The following HFM1 variants were observed in gnomAD, a reference collection of about 807,000 sequenced individuals.
HFM1 encodes the protein probable ATP-dependent DNA helicase HFM1.
Under a neutral mutation model 192.1 loss-of-function variants are expected in HFM1, and 169 were observed. The ratio of observed to expected loss-of-function variants is 0.88; its 90% CI spans 0.78 to 1.00. HFM1 has a LOEUF of 1.00. Ranked by LOEUF, HFM1 falls within the 50% of genes least tolerant of loss-of-function variation. The probability of loss-of-function intolerance (pLI) is 0.00; values close to 1 mark genes in which losing one functional copy is unlikely to be tolerated. For synonymous variants in HFM1, 525 were observed against 537.8 expected (o/e 0.98, Z 0.33); for missense variants, 1,661 against 1,668.0 (o/e 1.00, Z 0.07).
At chr1:91,310,829 T>A (rs1650339586) in intron 30 of HFM1, among the ~76,000 whole-genome samples, 1 of 152,252 alleles carries the variant, frequency 6.6e-6, no homozygotes, top group African/African-American at 2.4e-5. Context: ...CATGTGAAAC[T>A]GTTAAGTACA....
At chr1:91,377,184 G>A (rs536702035) in intron 11 of HFM1, among the ~76,000 whole-genome samples, 47 of 151,820 alleles carry the variant, frequency 3.1e-4, no homozygotes, top group African/African-American at 9.9e-4. Flanking sequence ...AAAGATAAAC[G>A]CTAGGATTTA....
At chr1:91,370,704 C>T (rs1660065327) in intron 13 of HFM1, among the ~76,000 whole-genome samples, 1 of 152,118 alleles carries the variant, frequency 6.6e-6, no homozygotes, top group Non-Finnish European at 1.5e-5. Flanking sequence ...CCTCTCTCAC[C>T]ACTCCTATTC....
intron 20 of HFM1, among the ~76,000 whole-genome samples, chr1:91,332,809 C>G (rs982951515): frequency 1.3e-5 from 2 of 152,120 alleles, no homozygotes; most frequent in African/African-American, 4.8e-5. Flanking sequence ...CAACATTTCT[C>G]AAAAGAAGAC....
intron 30 of HFM1, among the ~76,000 whole-genome samples, chr1:91,291,003 C>T (rs949718527): frequency 4.7e-4 from 72 of 152,106 alleles, no homozygotes; most frequent in Middle Eastern, 3.4e-3. Context: ...TTGAAACCAA[C>T]GAGAACGAAG....
At chr1:91,313,214 A>G in intron 30 of HFM1, 135 bp downstream of exon 30, 1 of 522,754 alleles carries the variant, frequency 1.9e-6, no homozygotes, top group Non-Finnish European at 3.3e-6. Flanking sequence ...TATACTATTA[A>G]TGAAATTACT....
rs202022545 is a variant in HFM1, at chr1:91,353,058, T to C, written c.1824A>G (p.Pro608=). ...GAAATATGTTTTACTTACAAAGAAC[T>C]GGTAAATCTCCAACAGTAAAAGCTC... The part of the protein sequence containing the change: ...VEGAFTVGDL[P]VLFTTSTLAM... The change falls in exon 15 of 39, where the codon CCA becomes CCG. Residue 608 remains proline (P), a synonymous_variant. Coordinates refer to ENST00000370425, the MANE Select transcript of HFM1 (RefSeq NM_001017975.6). 6.3e-7 allele frequency: 1 copy of C among 1,582,672 alleles called. No individual in the cohort carries two copies. Among genetic ancestry groups the C allele is most frequent in the Non-Finnish European group, 8.7e-7 (1 of 1,153,368 alleles).
chr1:91,343,241 A>AAC (rs943630133), intron 20 of HFM1, among the ~76,000 whole-genome samples, 189 bp downstream of exon 20: 3 of 150,798 alleles, frequency 2.0e-5, no homozygotes, highest in African/African-American at 7.3e-5. Flanking sequence ...AAAAAAAAAA[A>AAC]AAAAAAAAAA....
chr1:91,371,884 T>G (rs1401784424), intron 13 of HFM1, among the ~76,000 whole-genome samples: 1 of 151,934 alleles, frequency 6.6e-6, no homozygotes, highest in Non-Finnish European at 1.5e-5. Context: ...CTCAAACAAA[T>G]TTACAAGAAA....
intron 30 of HFM1, among the ~76,000 whole-genome samples, chr1:91,287,385 C>T (rs573441889): frequency 6.6e-6 from 1 of 152,214 alleles, no homozygotes; most frequent in African/African-American, 2.4e-5. Flanking sequence ...TGGGAGGCAC[C>T]CCCTAGCAGG....
rs566181608 is a variant in HFM1, at chr1:91,319,060, C to A, written c.2812+18G>T. On this transcript the variant is annotated intron_variant, in intron 25 of 38. Transcript: ENST00000370425. ...ATTGCAGACATGGCCAAACTGCCTG[C>A]CTGTATTCAGTACCTACCAATTTTT... 1 of 1,568,756 alleles carries A rather than the reference C, an allele frequency of 6.4e-7. No individual in the cohort carries two copies. The highest frequency in any genetic ancestry group is 1.2e-5 in the South Asian group (1 of 82,810).
upstream of HFM1, among the ~76,000 whole-genome samples, chr1:91,405,283 A>G (rs546992860): frequency 1.3e-5 from 2 of 152,350 alleles, no homozygotes; most frequent in South Asian, 4.1e-4. Flanking sequence ...CTAAAACACA[A>G]TGATATTTAA....
At chr1:91,270,447 G>A (rs1666174550) in intron 34 of HFM1, among the ~76,000 whole-genome samples, 11 of 151,902 alleles carry the variant, frequency 7.2e-5, no homozygotes, top group African/African-American at 2.4e-5. Flanking sequence ...TTATACAGAT[G>A]GATTTGGAGT....
intron 30 of HFM1, among the ~76,000 whole-genome samples, chr1:91,278,703 T>C (rs767695048): frequency 2.0e-4 from 31 of 152,234 alleles, no homozygotes; most frequent in Non-Finnish European, 3.5e-4. Context: ...CTGCTCAACA[T>C]ATGAGGCAAC....
chr1:91,385,560 A>G lies in HFM1; in HGVS notation c.754+15T>C. The G allele has an allele frequency of 6.2e-7, 1 of 1,602,096 alleles. No homozygotes were observed. Among genetic ancestry groups the G allele is most frequent in the Non-Finnish European group, 8.5e-7 (1 of 1,172,762 alleles). ...GTCTGTACTCATAAAATGAACTGAA[A>G]AAGCAAGAAATTACCTTGAATATCA... On this transcript the variant is annotated intron_variant, in intron 5 of 38. Coordinates refer to ENST00000370425, the MANE Select transcript of HFM1 (RefSeq NM_001017975.6).
intron 13 of HFM1, among the ~76,000 whole-genome samples, chr1:91,368,802 G>A (rs985645785): frequency 1.2e-4 from 18 of 152,088 alleles, no homozygotes; most frequent in African/African-American, 4.3e-4. Flanking sequence ...ACACAGACTG[G>A]CAAACTGGAG....
At chr1:91,297,773 C>T (rs968033228) in intron 30 of HFM1, among the ~76,000 whole-genome samples, 1 of 152,170 alleles carries the variant, frequency 6.6e-6, no homozygotes, top group African/African-American at 2.4e-5. Flanking sequence ...AGGACATCCA[C>T]ACCAAAACCC....
intron 30 of HFM1, among the ~76,000 whole-genome samples, chr1:91,283,213 T>C (rs72966420): frequency 6.0e-4 from 91 of 152,206 alleles, no homozygotes; most frequent in African/African-American, 2.2e-3. Context: ...TATTGGTAAT[T>C]AGAAAGATAA....
chr1:91,301,246 AAGG>A (rs1648723884), intron 30 of HFM1, among the ~76,000 whole-genome samples: 1 of 151,274 alleles, frequency 6.6e-6, no homozygotes, highest in East Asian at 2.0e-4. Flanking sequence ...GGACCTCTTC[AAGG>A]AGAACTACAA....
chr1:91,307,954 CATCATT>C (rs1398109410), intron 30 of HFM1, among the ~76,000 whole-genome samples: 1 of 151,864 alleles, frequency 6.6e-6, no homozygotes, highest in Non-Finnish European at 1.5e-5. Context: ...TTCTGTTTTC[CATCATT>C]ATTGTTGAGA....
Sources: allele counts gnomAD v4.1 joint callset (sites outside exome capture counted in the v4.1 genomes callset), GRCh38; gene constraint gnomAD v4.1.1; transcripts MANE v1.5; gene names NCBI Gene and HGNC (gene_info 2026-07-23, HGNC 2026-07-21).